Variants in SCARB1 observed in about 807,000 individuals in gnomAD.
SCARB1 encodes CD36 and LIMPII analogous 1.
A neutral mutation model predicts 57.2 loss-of-function variants in SCARB1; 30 were observed. That is an observed-to-expected ratio of 0.52 (90% CI 0.39 to 0.71). The LOEUF (loss-of-function observed/expected upper bound fraction) is 0.71, where lower values mean the gene tolerates loss of function less well. SCARB1 is among the 30% of genes least tolerant of loss of function. The pLI is 0.00. For synonymous variants in SCARB1, 249 were observed against 268.3 expected (o/e 0.93, Z 0.70); for missense variants, 543 against 671.2 (o/e 0.81, Z 2.11).
At chr12:124,804,080 C>T (rs911656784) in intron 7 of SCARB1, among the ~76,000 whole-genome samples, 6 of 152,196 alleles carry the variant, frequency 3.9e-5, no homozygotes, top group Non-Finnish European at 7.3e-5. Context: ...TCCCTACTTT[C>T]AGCCTTGTGC....
Position 124,814,176 on chromosome 12 carries a change from T to C in SCARB1, c.630+26A>G. On this transcript the variant is annotated intron_variant, in intron 4 of 12. Coordinates refer to ENST00000261693, the MANE Select transcript of SCARB1 (RefSeq NM_005505.5). This position sits in a 1 kb window ranked among gnomAD's most constrained non-coding sequence, Gnocchi z 4.7. ...GAAGACAGGACACAGGCCTGAATCTTTGGCTTCTCACCAGGCCACACGTAC... is the reference window on the plus strand; with the variant it reads ...GAAGACAGGACACAGGCCTGAATCTCTGGCTTCTCACCAGGCCACACGTAC... 1 of 1,607,022 alleles carries C rather than the reference T, an allele frequency of 6.2e-7. No homozygotes were observed. Among genetic ancestry groups the C allele is most frequent in the Non-Finnish European group, 8.5e-7 (1 of 1,173,622 alleles).
At chr12:124,855,177 C>T (rs1952577477) in intron 1 of SCARB1, among the ~76,000 whole-genome samples, 1 of 152,202 alleles carries the variant, frequency 6.6e-6, no homozygotes, top group Non-Finnish European at 1.5e-5. Context: ...GAACTTCACC[C>T]AAAATGCCAG....
chr12:124,850,110 T>C lies in SCARB1; in HGVS notation c.126+13485A>G, dbSNP rs530288761. Among the ~76,000 whole-genome samples, 2 of 126,748 alleles carry C rather than the reference T, an allele frequency of 1.6e-5. 1 individual carries two copies. Among genetic ancestry groups the C allele is most frequent in the East Asian group, 4.1e-4 (2 of 4,846 alleles). The allele number at this position is 126,748 out of a possible 152,430, so 83.2% of individuals were successfully genotyped here. A position where few individuals can be genotyped will look rare whatever the true frequency, so the allele number is the denominator to read the frequency against. On this transcript the variant is annotated intron_variant, in intron 1 of 12. Transcript: ENST00000261693. ...AATAAAGGGTGGGCACTGTGGCATA[T>C]GCTTATAATCCCAGCACTTTGGGAG...
Position 124,817,455 on chromosome 12 carries a change from G to T in SCARB1, c.284+95C>A. On this transcript the variant is annotated intron_variant, in intron 2 of 12. Transcript: ENST00000261693. The surrounding 1 kb of genome is among the most constrained non-coding windows in gnomAD (Gnocchi z 4.8). ...GCCTGCTTCCGGAACAATCTCTGGG[G>T]CTCAGTCAGCAGCCTCCCCATCCCG... The T allele has an allele frequency of 7.9e-7, 1 of 1,261,568 alleles. No individual in the cohort carries two copies. Among genetic ancestry groups the T allele is most frequent in the Non-Finnish European group, 1.1e-6 (1 of 885,474 alleles). The allele number at this position is 1,261,568 out of a possible 1,614,324, so 78.1% of individuals were successfully genotyped here.
chr12:124,818,490 G>A (rs1457693399), intron 1 of SCARB1, among the ~76,000 whole-genome samples: 1 of 152,024 alleles, frequency 6.6e-6, no homozygotes, highest in African/African-American at 2.4e-5. Flanking sequence ...TTTTTGAGAT[G>A]GAGTCTCACT....
At chr12:124,813,088 C>A (rs1950580595) in intron 4 of SCARB1, among the ~76,000 whole-genome samples, 1 of 152,166 alleles carries the variant, frequency 6.6e-6, no homozygotes, top group African/African-American at 2.4e-5. Context: ...TCATACAAAA[C>A]CCAAACCATA....
At chr12:124,831,125 G>A (rs1202926532) in intron 1 of SCARB1, among the ~76,000 whole-genome samples, 9 of 152,102 alleles carry the variant, frequency 5.9e-5, no homozygotes, top group South Asian at 2.1e-4. Flanking sequence ...ACAGATGCCC[G>A]CCACCACACC....
intron 7 of SCARB1, among the ~76,000 whole-genome samples, chr12:124,803,061 C>T (rs1950188693): frequency 1.3e-5 from 2 of 152,218 alleles, no homozygotes; most frequent in South Asian, 2.1e-4. Context: ...CCACCCACAA[C>T]GTCACGGACG....
At chr12:124,848,724 G>A (rs941769913) in intron 1 of SCARB1, among the ~76,000 whole-genome samples, 1 of 152,244 alleles carries the variant, frequency 6.6e-6, no homozygotes, top group Non-Finnish European at 1.5e-5. Flanking sequence ...GGCAGAACGA[G>A]CCGTGGTACA....
At chr12:124,837,482 A>AGGAAGGAG in intron 1 of SCARB1, among the ~76,000 whole-genome samples, 1 of 137,664 alleles carries the variant, frequency 7.3e-6, no homozygotes, top group Non-Finnish European at 1.5e-5. Flanking sequence ...AAAGGAAGGA[A>AGGAAGGAG]GGAAGGAAGG....
intron 11 of SCARB1, chr12:124,785,909 A>G (rs1046968607): frequency 4.0e-5 from 28 of 696,404 alleles, no homozygotes; most frequent in Admixed American, 9.1e-5. Context: ...GAGTGAAATT[A>G]TCTTTTCTGC....
At chr12:124,841,445 G>A (rs1232136150) in intron 1 of SCARB1, among the ~76,000 whole-genome samples, 1 of 147,272 alleles carries the variant, frequency 6.8e-6, no homozygotes, top group African/African-American at 2.5e-5. Context: ...CCATGCCACT[G>A]CACTCCAGCC....
In SCARB1 at chr12:124,837,522, AG is replaced by A. The variant is rs1207030137; in HGVS notation, c.127-19816del. 6.6e-3 allele frequency among the ~76,000 whole-genome samples: 703 copies of A among 106,598 alleles called. 46 individuals carry two copies. The East Asian group carries it at 0.13, about 20-fold the overall frequency. 69.9% of individuals were successfully genotyped at this position (106,598 alleles called of 152,430 possible). On this transcript the variant is annotated intron_variant, in intron 1 of 12. Transcript: ENST00000261693. ...AAGGAAGGGAGAAAAAAGAAAAGAA[AG>A]GAAAGAAAAAGAAAGAAAAGAAAAG...
rs1476820945 is a variant in SCARB1, at chr12:124,810,151, A to G, written c.842+23T>C. Reference sequence around the variant, plus strand: ...CCATGAGCTACCCAGGAAACCCAGGAGGCCCCGAGTCCCAGTGATTACCGG... The same window carrying G: ...CCATGAGCTACCCAGGAAACCCAGGGGGCCCCGAGTCCCAGTGATTACCGG... On this transcript the variant is annotated intron_variant, in intron 6 of 12. Coordinates refer to ENST00000261693, the MANE Select transcript of SCARB1 (RefSeq NM_005505.5). This position sits in a 1 kb window ranked among gnomAD's most constrained non-coding sequence, Gnocchi z 4.0. The G allele has an allele frequency of 3.9e-5, 59 of 1,521,380 alleles. No individual in the cohort carries two copies. Among genetic ancestry groups the G allele is most frequent in the Non-Finnish European group, 5.3e-5 (58 of 1,096,210 alleles). 94.2% of individuals were successfully genotyped at this position (1,521,380 alleles called of 1,614,324 possible).
At chr12:124,860,907 T>C (rs1443860299) in intron 1 of SCARB1, among the ~76,000 whole-genome samples, 1 of 152,140 alleles carries the variant, frequency 6.6e-6, no homozygotes, top group Non-Finnish European at 1.5e-5. Context: ...GCAAGATAAT[T>C]ATACATGTTC....
intron 1 of SCARB1, among the ~76,000 whole-genome samples, chr12:124,861,109 A>G (rs1952881550): frequency 6.6e-6 from 1 of 152,132 alleles, no homozygotes; most frequent in African/African-American, 2.4e-5. Flanking sequence ...GCAAGTATTC[A>G]TATATTTTAT....
rs754451216 is a variant in SCARB1, at chr12:124,807,852, G to C, written c.918C>G (p.Thr306=). The part of the protein sequence containing the change: ...IPTYRFVAPK[T]LFANGSIYPP... ...GGTAGATGGACCCGTTGGCAAACAG[G>C]GTTTTGGGAGCCACGAAGCGATAGG... Residue 306 remains threonine, a synonymous_variant, in exon 7 of 13, where the codon ACC becomes ACG. Coordinates refer to ENST00000261693, the MANE Select transcript of SCARB1 (RefSeq NM_005505.5). This position sits in a 1 kb window ranked among gnomAD's most constrained non-coding sequence, Gnocchi z 5.3. 7 of 1,614,022 alleles carry C rather than the reference G, an allele frequency of 4.3e-6. No individual in the cohort carries two copies. In the Admixed American group the frequency reaches 8.3e-5, roughly 19 times the overall value.
intron 1 of SCARB1, among the ~76,000 whole-genome samples, chr12:124,856,429 CGAA>C (rs1952632122): frequency 6.6e-6 from 1 of 152,240 alleles, no homozygotes; most frequent in Non-Finnish European, 1.5e-5. Context: ...CACACACTCA[CGAA>C]GACAGGGAGA....
At chr12:124,855,393 G>A (rs1952586298) in intron 1 of SCARB1, among the ~76,000 whole-genome samples, 1 of 152,244 alleles carries the variant, frequency 6.6e-6, no homozygotes, top group Non-Finnish European at 1.5e-5. Context: ...GCTTTGGGAG[G>A]AAAATCGCCC....
Sources: allele counts gnomAD v4.1 joint callset (sites outside exome capture counted in the v4.1 genomes callset), GRCh38; gene constraint gnomAD v4.1.1; non-coding constraint Gnocchi (gnomAD v3.1); transcripts MANE v1.5; gene names NCBI Gene and HGNC (gene_info 2026-07-23, HGNC 2026-07-21).